The following SRBD1 variants were observed in gnomAD, a reference collection of about 807,000 sequenced individuals.
SRBD1 encodes the protein S1 RNA-binding domain-containing protein 1.
In SRBD1, 88 loss-of-function variants were observed where a neutral mutation model predicts 115.3. The ratio of observed to expected loss-of-function variants is 0.76; its 90% CI spans 0.64 to 0.91. The LOEUF is 0.91. Among genes scored for constraint, SRBD1 ranks in the 40% least tolerant of loss-of-function variants. The pLI is 0.00. For synonymous variants in SRBD1, 509 were observed against 407.7 expected, an observed-to-expected ratio of 1.25 and a Z score of -2.99; for missense variants, 1,385 against 1,177.4, an observed-to-expected ratio of 1.18 and a Z score of -2.58.
chr2:45,549,371 G>C (rs987581166), intron 12 of SRBD1, among the ~76,000 whole-genome samples: 6 of 151,690 alleles, frequency 4.0e-5, no homozygotes, highest in African/African-American at 1.5e-4. Context: ...CAACTTGCCT[G>C]ACCCAGCTTC....
In SRBD1 at chr2:45,585,472, G is replaced by A; in HGVS notation, c.815+136C>T. ...GGACTCCATACACTCGCTAAATAAA[G>A]AGGACTATATCCAGATTACAATAAT... On this transcript the variant is annotated intron_variant, in intron 5 of 20. Transcript: ENST00000263736. 3.3e-6 allele frequency: 3 copies of A among 916,768 alleles called. No homozygotes were observed. In the Middle Eastern group the frequency reaches 6.6e-4, roughly 203 times the overall value. The allele number at this position is 916,768 out of a possible 1,614,324, so 56.8% of individuals were successfully genotyped here.
At chr2:45,608,484 G>C (rs1182720069) in intron 1 of SRBD1, among the ~76,000 whole-genome samples, 1 of 152,138 alleles carries the variant, frequency 6.6e-6, no homozygotes, top group Non-Finnish European at 1.5e-5. Flanking sequence ...CTTGAGGCCT[G>C]TTTCTCCATC....
chr2:45,396,768 G>A (rs966386988), intron 19 of SRBD1, among the ~76,000 whole-genome samples: 21 of 152,118 alleles, frequency 1.4e-4, no homozygotes, highest in African/African-American at 5.1e-4. Flanking sequence ...CTTCAGACAT[G>A]GCCATTCAGT....
At chr2:45,434,709 G>T (rs552608952) in intron 16 of SRBD1, among the ~76,000 whole-genome samples, 1 of 152,054 alleles carries the variant, frequency 6.6e-6, no homozygotes, top group African/African-American at 2.4e-5. Context: ...GTTTATGTCA[G>T]CAAGATCTGA....
intron 14 of SRBD1, among the ~76,000 whole-genome samples, chr2:45,531,007 T>C (rs887660363): frequency 1.3e-5 from 2 of 151,814 alleles, no homozygotes; most frequent in Non-Finnish European, 2.9e-5. Flanking sequence ...ACAGAATCAA[T>C]TGTCAAATAA....
intron 14 of SRBD1, among the ~76,000 whole-genome samples, chr2:45,500,567 C>T (rs536597646): frequency 4.3e-4 from 66 of 152,080 alleles, no homozygotes; most frequent in Admixed American, 1.2e-3. Flanking sequence ...GGACTATAAG[C>T]ACATGCCATC....
intron 16 of SRBD1, among the ~76,000 whole-genome samples, chr2:45,452,083 T>A (rs1269273377): frequency 6.6e-6 from 1 of 151,954 alleles, no homozygotes; most frequent in Non-Finnish European, 1.5e-5. Flanking sequence ...GAAATTAGAC[T>A]CCCACTCCCA....
intron 14 of SRBD1, among the ~76,000 whole-genome samples, chr2:45,526,318 G>A (rs887575972): frequency 2.0e-5 from 3 of 151,954 alleles, no homozygotes; most frequent in South Asian, 2.1e-4. Context: ...AATGAACCTC[G>A]AAAACATGCT....
In SRBD1 at chr2:45,511,642, T is replaced by C. The variant is rs746884211; in HGVS notation, c.1875-23311A>G. ...GTGATCAAAGTTTCAATTTTAACTGTGGCGAGAAACAATGTTATCGGCAAA... is the reference window on the plus strand; with the variant it reads ...GTGATCAAAGTTTCAATTTTAACTGCGGCGAGAAACAATGTTATCGGCAAA... On this transcript the variant is annotated intron_variant, in intron 14 of 20. Coordinates refer to ENST00000263736, the MANE Select transcript of SRBD1 (RefSeq NM_018079.5). 4.7e-4 allele frequency among the ~76,000 whole-genome samples: 72 copies of C among 152,222 alleles called. 1 individual carries two copies. Among genetic ancestry groups the C allele is most frequent in the Non-Finnish European group, 1.5e-4 (10 of 68,020 alleles).
At chr2:45,513,117 A>T (rs1283080466) in intron 14 of SRBD1, among the ~76,000 whole-genome samples, 2 of 151,942 alleles carry the variant, frequency 1.3e-5, no homozygotes, top group Admixed American at 6.6e-5. Flanking sequence ...CTACTTTGAA[A>T]CTCTTTCCTT....
At chr2:45,400,660 C>T (rs1002295065) in intron 19 of SRBD1, among the ~76,000 whole-genome samples, 2 of 151,866 alleles carry the variant, frequency 1.3e-5, no homozygotes, top group African/African-American at 4.8e-5. Flanking sequence ...TAGCTTAGCC[C>T]CTCCTCAATC....
In SRBD1 at chr2:45,413,146, A is replaced by G. The variant is rs370283058; in HGVS notation, c.2481T>C (p.Cys827=). 39 of 1,613,954 alleles carry G rather than the reference A, an allele frequency of 2.4e-5. No homozygotes were observed. In the Middle Eastern group the frequency reaches 6.6e-4, roughly 27 times the overall value. ...CTATGTCATATGATTCTGGATGAATACAAGTTTGGTCCAAAGGATTTGGCT... is the reference window on the plus strand; with the variant it reads ...CTATGTCATATGATTCTGGATGAATGCAAGTTTGGTCCAAAGGATTTGGCT... ...LLKPNPLDQT[C]IHPESYDIAM... is the part of the protein sequence containing the mutation. Residue 827 remains cysteine, a synonymous_variant, in exon 19 of 21, where the codon TGT becomes TGC. Transcript: ENST00000263736.
chr2:45,560,330 G>C (rs1269557415), intron 10 of SRBD1, among the ~76,000 whole-genome samples: 1 of 152,040 alleles, frequency 6.6e-6, no homozygotes, highest in Non-Finnish European at 1.5e-5. Context: ...TAACTACTGA[G>C]GACTGACTCT....
intron 10 of SRBD1, among the ~76,000 whole-genome samples, chr2:45,555,645 C>T (rs553111396): frequency 5.2e-4 from 79 of 152,088 alleles, no homozygotes; most frequent in African/African-American, 1.7e-3. Flanking sequence ...CGCCACCATA[C>T]CCGGCTAATT....
chr2:45,536,919 G>A (rs1032623506), intron 14 of SRBD1, among the ~76,000 whole-genome samples: 2 of 152,112 alleles, frequency 1.3e-5, no homozygotes, highest in Non-Finnish European at 2.9e-5. Context: ...AAACTTTTAT[G>A]ATCAACCATA....
Position 45,487,120 on chromosome 2 carries a change from G to A in SRBD1, c.1966+1120C>T, listed in dbSNP as rs1001878562. Among the ~76,000 whole-genome samples the A allele has an allele frequency of 6.6e-5, 10 of 152,234 alleles. No individual in the cohort carries two copies. The East Asian group carries it at 9.6e-4, about 15-fold the overall frequency. ...AGGGAAACTACAAGCTCTTTTGGACGTAAGAACGCTTTTAGCTTTAGATTA... is the reference window on the plus strand; with the variant it reads ...AGGGAAACTACAAGCTCTTTTGGACATAAGAACGCTTTTAGCTTTAGATTA... On this transcript the variant is annotated intron_variant, in intron 15 of 20. Transcript: ENST00000263736.
At chr2:45,605,274 C>G in intron 2 of SRBD1, 88 bp downstream of exon 2, 1 of 1,331,902 alleles carries the variant, frequency 7.5e-7, no homozygotes, top group Non-Finnish European at 1.0e-6. Context: ...ACCCACATCA[C>G]TTAAGGAGTT....
At chr2:45,486,347 C>G (rs997467370) in intron 15 of SRBD1, among the ~76,000 whole-genome samples, 1 of 152,058 alleles carries the variant, frequency 6.6e-6, no homozygotes, top group East Asian at 1.9e-4. Flanking sequence ...AATGAAAGTA[C>G]CCTTTTATCA....
rs757062278 is a variant in SRBD1 at position 45,419,828 on chromosome 2, C to A, written c.2116G>T (p.Val706Leu). 4.3e-6 allele frequency: 7 copies of A among 1,613,872 alleles called. No homozygotes were observed. The highest frequency in any genetic ancestry group is 4.2e-6 in the Non-Finnish European group (5 of 1,179,868). Residue 706 changes from valine (V) to leucine (L), a missense_variant, in exon 17 of 21, where the codon GTG becomes TTG. By Grantham distance (32) the Val-to-Leu change is conservative (BLOSUM62 1). Transcript: ENST00000263736. The part of the protein sequence containing the change: ...DSVVEECVSF[V>L]GVDINICSEV... ...GAACAGATGTTAATATCCACTCCCA[C>A]AAAGCTGACACATTCTTCTACAACA...
Sources: allele counts gnomAD v4.1 joint callset (sites outside exome capture counted in the v4.1 genomes callset), GRCh38; gene constraint gnomAD v4.1.1; transcripts MANE v1.5; gene names NCBI Gene and HGNC (gene_info 2026-07-23, HGNC 2026-07-21).